PLCL2: variants seen among roughly 807,000 people sequenced by gnomAD.
The protein encoded by PLCL2 is phospholipase C like 2, also known as inactive phospholipase C-like protein 2.
Under a neutral mutation model 79.6 loss-of-function variants are expected in PLCL2, and 4 were observed. The observed-to-expected ratio is 0.05, with a 90% CI of 0.02 to 0.11. The LOEUF is 0.11. Among genes scored for constraint, PLCL2 ranks in the 10% least tolerant of loss-of-function variants. The pLI is 1.00. For synonymous variants in PLCL2, 484 were observed against 457.7 expected (o/e 1.06, Z -0.73); for missense variants, 895 against 1,291.0 (o/e 0.69, Z 4.70).
At chr3:16,948,143 T>C (rs2063618181) in intron 1 of PLCL2, among the ~76,000 whole-genome samples, 1 of 152,174 alleles carries the variant, frequency 6.6e-6, no homozygotes, top group South Asian at 2.1e-4. Context: ...AATGGATAAA[T>C]ATAATGTGGT....
At chr3:17,063,846 T>C (rs186811767) in intron 4 of PLCL2, among the ~76,000 whole-genome samples, 2 of 152,302 alleles carry the variant, frequency 1.3e-5, no homozygotes, top group African/African-American at 2.4e-5. Flanking sequence ...TCTCTTCTCT[T>C]CCTGTAATTA....
At chr3:16,934,799 T>C (rs1697499855) in intron 1 of PLCL2, among the ~76,000 whole-genome samples, 2 of 152,186 alleles carry the variant, frequency 1.3e-5, no homozygotes, top group Admixed American at 1.3e-4. Flanking sequence ...CAACAGGAGT[T>C]AGCAATTTTG....
intron 1 of PLCL2, among the ~76,000 whole-genome samples, chr3:16,911,184 C>T (rs1354349111): frequency 1.2e-4 from 17 of 143,266 alleles, no homozygotes; most frequent in African/African-American, 2.6e-4. Context: ...ACCCGGGGGG[C>T]GGAGGTTGTA....
intron 1 of PLCL2, among the ~76,000 whole-genome samples, chr3:16,956,760 G>A (rs1457412109): frequency 6.6e-6 from 1 of 152,178 alleles, no homozygotes; most frequent in Non-Finnish European, 1.5e-5. Context: ...GGTCTTGGGA[G>A]GGTGTATGTG....
intron 1 of PLCL2, among the ~76,000 whole-genome samples, chr3:16,898,956 C>A (rs1226868717): frequency 6.6e-6 from 1 of 152,218 alleles, no homozygotes; most frequent in Non-Finnish European, 1.5e-5. Flanking sequence ...CGGGGACCCA[C>A]GCCTTGGCAG....
chr3:16,924,043 C>T (rs1348434182), intron 1 of PLCL2, among the ~76,000 whole-genome samples: 1 of 152,124 alleles, frequency 6.6e-6, no homozygotes, highest in Non-Finnish European at 1.5e-5. Context: ...GCACGATTCC[C>T]TTTAGCTCTT....
At chr3:16,998,449 A>G (rs550922306) in intron 1 of PLCL2, among the ~76,000 whole-genome samples, 30 of 152,358 alleles carry the variant, frequency 2.0e-4, no homozygotes, top group African/African-American at 6.5e-4. Flanking sequence ...ATATGAAACT[A>G]CATATCCACA....
chr3:16,885,274 G>C lies in PLCL2; in HGVS notation c.235G>C (p.Val79Leu), dbSNP rs769891597. 1 of 664,068 alleles carries C rather than the reference G, an allele frequency of 1.5e-6. No homozygotes were observed. Among genetic ancestry groups the C allele is most frequent in the Non-Finnish European group, 2.7e-6 (1 of 367,310 alleles). 41.1% of individuals were successfully genotyped at this position (664,068 alleles called of 1,614,324 possible). ...RASPTRGPRG[V>L]ALAPTPSAVV... ...TAGCCCTACCAGGGGACCCCGCGGC[G>C]TTGCGCTCGCCCCGACCCCCAGCGC... is the stretch of plus-strand genomic sequence containing the variant. Residue 79 changes from valine to leucine, a missense_variant, in exon 1 of 6, where the codon GTT becomes CTT. By Grantham distance (32) the Val-to-Leu change is conservative (BLOSUM62 1). This residue lies in a region of PLCL2 where 110 missense variants were observed against 42.9 expected (regional missense o/e 2.56). Transcript: ENST00000615277.
At position 17,014,711 on chromosome 3, in the gene PLCL2, G is replaced by T. The variant is rs146980015; in HGVS notation, c.2818G>T (p.Ala940Ser). 79 of 1,611,538 alleles carry T rather than the reference G, an allele frequency of 4.9e-5. No homozygotes were observed. In the African/African-American group the frequency reaches 8.9e-4, roughly 18 times the overall value. ...CTCCTTTCATTCCATTTAACAGAAT[G>T]CGGTGGTGTCATTCAAGGAGCTGTG... ...ATDLRENMQN[A>S]VVSFKELCGL... Residue 940 changes from alanine to serine, a missense_variant, in exon 3 of 6, where the codon GCG becomes TCG. Ala to Ser is a moderately conservative substitution (Grantham distance 99, BLOSUM62 1). Transcript: ENST00000615277.
chr3:16,997,235 T>G (rs1326782752), intron 1 of PLCL2, among the ~76,000 whole-genome samples: 1 of 152,214 alleles, frequency 6.6e-6, no homozygotes, highest in Non-Finnish European at 1.5e-5. Flanking sequence ...TAAGGCCCAT[T>G]CCCTTTAAAA....
intron 5 of PLCL2, among the ~76,000 whole-genome samples, chr3:17,087,134 A>T (rs556051980): frequency 4.3e-4 from 65 of 152,328 alleles, no homozygotes; most frequent in African/African-American, 1.5e-3. Flanking sequence ...TTACCATATG[A>T]TCCAGCGATC....
At chr3:16,978,661 G>A (rs1003549092) in intron 1 of PLCL2, among the ~76,000 whole-genome samples, 10 of 152,298 alleles carry the variant, frequency 6.6e-5, no homozygotes, top group Admixed American at 4.6e-4. Context: ...AGGATGTAAC[G>A]ATGTAAGGAC....
At chr3:16,964,382 G>T (rs1157815815) in intron 1 of PLCL2, among the ~76,000 whole-genome samples, 3 of 152,102 alleles carry the variant, frequency 2.0e-5, no homozygotes, top group Non-Finnish European at 4.4e-5. Context: ...AGTATCCCAT[G>T]GTGTATATGT....
intron 3 of PLCL2, among the ~76,000 whole-genome samples, chr3:17,015,221 ATCT>A (rs1259914886): frequency 2.0e-5 from 3 of 152,202 alleles, no homozygotes; most frequent in Admixed American, 2.0e-4. Flanking sequence ...GTTTTTAAAA[ATCT>A]TCTCCTGCAG....
At chr3:16,935,806 A>G (rs1205871752) in intron 1 of PLCL2, among the ~76,000 whole-genome samples, 1 of 152,232 alleles carries the variant, frequency 6.6e-6, no homozygotes, top group Non-Finnish European at 1.5e-5. Flanking sequence ...AAAATAAAAA[A>G]AGAAAGAATG....
chr3:16,970,382 G>A (rs1242838204), intron 1 of PLCL2, among the ~76,000 whole-genome samples: 2 of 150,886 alleles, frequency 1.3e-5, no homozygotes, highest in Non-Finnish European at 3.0e-5. Context: ...CCCTACAAAG[G>A]ACATGAACTC....
chr3:17,059,594 A>G (rs2064927646), intron 4 of PLCL2, among the ~76,000 whole-genome samples: 1 of 152,028 alleles, frequency 6.6e-6, no homozygotes, highest in Non-Finnish European at 1.5e-5. Context: ...ATATATAGAT[A>G]TAGATAGTTG....
In PLCL2 at chr3:17,082,406, A is replaced by C. The variant is rs185002763; in HGVS notation, c.3205-7327A>C. 6.9e-3 allele frequency among the ~76,000 whole-genome samples: 1,047 copies of C among 152,110 alleles called. 13 individuals are homozygous for C. The highest frequency in any genetic ancestry group is 0.022 in the African/African-American group (915 of 41,464). On this transcript the variant is annotated intron_variant, in intron 5 of 5. Coordinates refer to ENST00000615277, the MANE Select transcript of PLCL2 (RefSeq NM_001144382.2). ...CTCGGCCTCCCAAAGTGCTGGGATT[A>C]CAGGCATGAGCCACCGCGCCTGGCC...
intron 4 of PLCL2, among the ~76,000 whole-genome samples, chr3:17,061,132 G>C (rs907076270): frequency 6.6e-6 from 1 of 152,144 alleles, no homozygotes; most frequent in Non-Finnish European, 1.5e-5. Context: ...GATTGGTAGA[G>C]AAAATCCCAA....
Sources: allele counts gnomAD v4.1 joint callset (sites outside exome capture counted in the v4.1 genomes callset), GRCh38; gene constraint gnomAD v4.1.1; regional missense constraint gnomAD v4.1.1; transcripts MANE v1.5; gene names NCBI Gene and HGNC (gene_info 2026-07-23, HGNC 2026-07-21).